RRN3: variants seen among roughly 807,000 people sequenced by gnomAD.
RRN3 encodes RNA polymerase I transcription factor RRN3.
In RRN3, 38 loss-of-function variants were observed where a neutral mutation model predicts 82.3. That is an observed-to-expected ratio of 0.46 (90% confidence interval 0.36 to 0.61). The LOEUF (loss-of-function observed/expected upper bound fraction) is 0.61, where lower values mean the gene tolerates loss of function less well. RRN3 is among the 20% of genes least tolerant of loss of function. The probability of loss-of-function intolerance (pLI) is 0.00; values close to 1 mark genes in which losing one functional copy is unlikely to be tolerated. For synonymous variants in RRN3, 284 were observed against 284.3 expected, an observed-to-expected ratio of 1.00 and a Z score of 0.01; for missense variants, 726 against 793.1, an observed-to-expected ratio of 0.92 and a Z score of 1.02.
rs1277846918 is a variant in RRN3 at position 15,063,241 on chromosome 16, G to A, written c.1749C>T (p.Asp583=). 17 of 1,613,446 alleles carry A rather than the reference G, an allele frequency of 1.1e-5. No homozygotes were observed. The highest frequency in any genetic ancestry group is 1.4e-5 in the Non-Finnish European group (16 of 1,179,564). Residue 583 remains aspartate (D), a synonymous_variant, in exon 17 of 18, where the codon GAC becomes GAT. Transcript: ENST00000198767. The stretch of plus-strand genomic sequence containing the variant: ...ACTCCTGTAGCTCTTCAGCACTCAT[G>A]TCTTCCCACACCTGATAAATAGGAT... The part of the protein sequence containing the change: ...FIDPIYQVWE[D]MSAEELQEFK...
At chr16:15,072,262 G>C (rs1262625835) in intron 12 of RRN3, among the ~76,000 whole-genome samples, 2 of 136,168 alleles carry the variant, frequency 1.5e-5, no homozygotes, top group Non-Finnish European at 3.2e-5. Context: ...AAAAAAAAAA[G>C]AAGAAGAAGA....
chr16:15,093,493 G>C (rs1278461930), intron 1 of RRN3, among the ~76,000 whole-genome samples: 1 of 152,086 alleles, frequency 6.6e-6, no homozygotes, highest in Non-Finnish European at 1.5e-5. Flanking sequence ...TAGAAAGCAG[G>C]GACATTAGTG....
intron 7 of RRN3, 89 bp from the exon 8 acceptor site, chr16:15,083,671 T>G (rs1415404479): frequency 4.5e-5 from 71 of 1,564,092 alleles, no homozygotes; most frequent in Admixed American, 5.7e-5. Context: ...AAGCAAATAT[T>G]GATAGACATA....
intron 10 of RRN3, among the ~76,000 whole-genome samples, chr16:15,075,264 A>C (rs1448620483): frequency 1.3e-5 from 2 of 151,642 alleles, no homozygotes; most frequent in African/African-American, 4.8e-5. Flanking sequence ...AAAAAAAAAA[A>C]AAAACTAAAC....
chr16:15,072,535 T>C (rs1237356027), intron 12 of RRN3, among the ~76,000 whole-genome samples: 1 of 152,074 alleles, frequency 6.6e-6, no homozygotes, highest in Non-Finnish European at 1.5e-5. Flanking sequence ...GGCACAGTTG[T>C]TCACACCTGT....
chr16:15,081,545 A>G (rs2045703448), intron 8 of RRN3, among the ~76,000 whole-genome samples: 2 of 152,130 alleles, frequency 1.3e-5, no homozygotes, highest in Non-Finnish European at 1.5e-5. Flanking sequence ...CCCTTTTATT[A>G]TTCAATTATA....
intron 10 of RRN3, 107 bp from the exon 11 acceptor site, chr16:15,074,968 G>A: frequency 8.4e-7 from 1 of 1,194,388 alleles, no homozygotes; most frequent in Non-Finnish European, 1.1e-6. Context: ...AAAACAAAGA[G>A]GCTGGGGAAA....
At chr16:15,077,089 C>A (rs1439779916) in intron 9 of RRN3, among the ~76,000 whole-genome samples, 1 of 151,732 alleles carries the variant, frequency 6.6e-6, no homozygotes, top group African/African-American at 2.4e-5. Flanking sequence ...AAGAGATTCT[C>A]CTGCCTCAGC....
At chr16:15,080,216 T>C in intron 8 of RRN3, 120 bp from the exon 9 acceptor site, 1 of 1,194,590 alleles carries the variant, frequency 8.4e-7, no homozygotes, top group South Asian at 1.7e-5. Context: ...AAAAACAGAC[T>C]ATCCAGCAAT....
In RRN3 at chr16:15,072,974, C is replaced by G; in HGVS notation, c.1104G>C (p.Met368Ile). ...THASCHVQFF[M>I]FYLCSFKLGF... Reference sequence around the variant, plus strand: ...CCAATTTGAAACTACAGAGGTAAAACATGAAAAACTGTACATGGCAGGAGG... The same window carrying G: ...CCAATTTGAAACTACAGAGGTAAAAGATGAAAAACTGTACATGGCAGGAGG... Residue 368 changes from methionine to isoleucine, a missense_variant, in exon 12 of 18, where the codon ATG becomes ATC. Met to Ile is a conservative substitution (Grantham distance 10). Around this residue, in one of 4 missense-constraint regions of RRN3, gnomAD observed 344 missense variants for 394.5 expected, o/e 0.87. Coordinates refer to ENST00000198767, the MANE Select transcript of RRN3 (RefSeq NM_018427.5). 2.5e-6 allele frequency: 4 copies of G among 1,613,508 alleles called. No homozygotes were observed. In the African/African-American group the frequency reaches 5.3e-5, roughly 22 times the overall value.
chr16:15,090,872 TG>T (rs1355530706), intron 3 of RRN3, among the ~76,000 whole-genome samples: 77 of 121,306 alleles, frequency 6.3e-4, no homozygotes, highest in Admixed American at 2.4e-3. Context: ...ATCAGTGGTT[TG>T]TTTTTTTTTT....
At chr16:15,090,087 G>A (rs2046072417) in intron 3 of RRN3, among the ~76,000 whole-genome samples, 1 of 151,878 alleles carries the variant, frequency 6.6e-6, no homozygotes, top group African/African-American at 2.4e-5. Flanking sequence ...GCGGGTGCCT[G>A]TAATCTCAGC....
intron 9 of RRN3, among the ~76,000 whole-genome samples, chr16:15,078,654 C>G (rs2045564958): frequency 6.6e-6 from 1 of 152,022 alleles, no homozygotes; most frequent in Non-Finnish European, 1.5e-5. Context: ...CACCCTTCTC[C>G]TCCCCTGTCC....
At chr16:15,085,555 T>C in intron 6 of RRN3, 84 bp downstream of exon 6, 2 of 1,567,602 alleles carry the variant, frequency 1.3e-6, no homozygotes, top group East Asian at 2.3e-5. Context: ...TGGCCTCAAG[T>C]GATCCTCCCG....
rs781068032 is a variant in RRN3 at position 15,094,189 on chromosome 16, G to T, written c.45C>A (p.Ala15=). Residue 15 remains alanine (A), a synonymous_variant, in exon 1 of 18, where the codon GCC becomes GCA. Coordinates refer to ENST00000198767, the MANE Select transcript of RRN3 (RefSeq NM_018427.5). The part of the protein sequence containing the change: ...LLHTRLPGDA[A]ASSSAVKKLG... ...GCTTCTTAACTGCAGAGGACGAAGC[G>T]GCCGCATCTCCCGGCAAACGCGTGT... 6.2e-7 allele frequency: 1 copy of T among 1,601,322 alleles called. No homozygotes were observed. Among genetic ancestry groups the T allele is most frequent in the Non-Finnish European group, 8.5e-7 (1 of 1,174,432 alleles).
At position 15,092,576 on chromosome 16, in the gene RRN3, T is replaced by C. The variant is rs774302435; in HGVS notation, c.128A>G (p.Asn43Ser). 75 of 1,613,394 alleles carry C rather than the reference T, an allele frequency of 4.6e-5. No homozygotes were observed. The highest frequency in any genetic ancestry group is 6.1e-5 in the Non-Finnish European group (72 of 1,179,490). The change falls in exon 2 of 18, where the codon AAT becomes AGT. Residue 43 changes from asparagine (N) to serine (S), a missense_variant. By Grantham distance (46) the Asn-to-Ser change is conservative. Transcript: ENST00000198767. ...CCGAACAGTTTTTCTTGGGGGAGAATTGAAAAAGTCATTCTCTAATGCACG... is the reference window on the plus strand; with the variant it reads ...CCGAACAGTTTTTCTTGGGGGAGAACTGAAAAAGTCATTCTCTAATGCACG... ...NMRALENDFF[N>S]SPPRKTVRFG... is the part of the protein sequence containing the mutation.
chr16:15,087,251 G>A (rs1283715385), intron 3 of RRN3, among the ~76,000 whole-genome samples: 1 of 152,168 alleles, frequency 6.6e-6, no homozygotes, highest in African/African-American at 2.4e-5. Context: ...ATCATTTAGT[G>A]AGAATACACC....
intron 9 of RRN3, among the ~76,000 whole-genome samples, chr16:15,078,240 C>A (rs2045548961): frequency 6.6e-6 from 1 of 152,186 alleles, no homozygotes; most frequent in South Asian, 2.1e-4. Context: ...TCTTCTGAGA[C>A]CTTGTTCCAT....
chr16:15,074,069 T>C (rs2045349459), intron 11 of RRN3, among the ~76,000 whole-genome samples: 1 of 152,220 alleles, frequency 6.6e-6, no homozygotes, highest in Admixed American at 6.5e-5. Context: ...TTCAAAATGC[T>C]CACAATGGTT....
Sources: gnomAD v4.1 joint callset for allele counts (sites outside exome capture counted in the v4.1 genomes callset) on GRCh38, gnomAD v4.1.1 for gene constraint, gnomAD v4.1.1 regional missense constraint, MANE v1.5 for transcripts, NCBI Gene and HGNC (gene_info 2026-07-23, HGNC 2026-07-21) for gene names.